Variants in ARHGAP23 observed in about 807,000 individuals in gnomAD.
ARHGAP23 encodes the protein Rho GTPase activating protein 23, also known as rho GTPase-activating protein 23.
Under a neutral mutation model 136.3 loss-of-function variants are expected in ARHGAP23, and 34 were observed. That is an observed-to-expected ratio of 0.25 (90% confidence interval 0.19 to 0.33). The LOEUF is 0.33. Among genes scored for constraint, ARHGAP23 ranks in the 10% least tolerant of loss-of-function variants. The pLI, the probability that ARHGAP23 is intolerant of heterozygous loss-of-function variation, is 1.00. For synonymous variants in ARHGAP23, 832 were observed against 920.5 expected (o/e 0.90, Z 1.74); for missense variants, 1,808 against 2,139.0 (o/e 0.85, Z 3.05).
At chr17:38,420,988 C>CA (rs1305336022) in intron 1 of ARHGAP23, among the ~76,000 whole-genome samples, 4 of 152,274 alleles carry the variant, frequency 2.6e-5, no homozygotes, top group Non-Finnish European at 4.4e-5. Context: ...ATCCTAAATG[C>CA]ATCTCACTGG....
chr17:38,494,090 T>G (rs1004145069), intron 20 of ARHGAP23, among the ~76,000 whole-genome samples: 1 of 152,198 alleles, frequency 6.6e-6, no homozygotes, highest in Non-Finnish European at 1.5e-5. Flanking sequence ...AATATCACTC[T>G]AGTTGTCACA....
chr17:38,429,044 A>C (rs1327421081), intron 1 of ARHGAP23, among the ~76,000 whole-genome samples: 4 of 151,872 alleles, frequency 2.6e-5, no homozygotes, highest in Non-Finnish European at 5.9e-5. Context: ...CCCGCGCCAC[A>C]CTCGCCCCCT....
Position 38,511,533 on chromosome 17 carries a change from G to C in ARHGAP23, c.*561G>C, listed in dbSNP as rs1332343699. ...ACTTCTGTCCCCCTATCCCCACCCT[G>C]GTCCCCACTTTGCGCCCCCGGGCTC... is the stretch of plus-strand genomic sequence containing the variant. On this transcript the variant is annotated 3_prime_UTR_variant, in exon 24 of 24. Transcript: ENST00000622683. 3 of 152,284 alleles carry C rather than the reference G, an allele frequency of 2.0e-5. No individual in the cohort carries two copies. The highest frequency in any genetic ancestry group is 4.4e-5 in the Non-Finnish European group (3 of 68,284). The allele number at this position is 152,284 out of a possible 1,614,324, so 9.4% of individuals were successfully genotyped here. A position where few individuals can be genotyped will look rare whatever the true frequency, so the allele number is the denominator to read the frequency against.
At chr17:38,488,028 A>G (rs1306405474) in intron 17 of ARHGAP23, among the ~76,000 whole-genome samples, 1 of 152,020 alleles carries the variant, frequency 6.6e-6, no homozygotes, top group Non-Finnish European at 1.5e-5. Flanking sequence ...CAGCCTCCTG[A>G]GTAGTTGGGA....
At chr17:38,432,024 T>C (rs1204439839) in intron 1 of ARHGAP23, among the ~76,000 whole-genome samples, 1 of 152,106 alleles carries the variant, frequency 6.6e-6, no homozygotes, top group Non-Finnish European at 1.5e-5. Flanking sequence ...CAGTTCTCCA[T>C]AAATGTTTGT....
intron 20 of ARHGAP23, among the ~76,000 whole-genome samples, chr17:38,494,391 C>T (rs1233149263): frequency 6.6e-6 from 1 of 152,176 alleles, no homozygotes; most frequent in African/African-American, 2.4e-5. Context: ...AGACAGATCC[C>T]CGTGCTGGGA....
intron 1 of ARHGAP23, among the ~76,000 whole-genome samples, chr17:38,430,859 A>G (rs1009339293): frequency 1 from 152,350 of 152,350 alleles, 76,175 homozygotes; most frequent in Non-Finnish European, 1. Context: ...TGTTTTTAAG[A>G]AAGGGGAGTT....
chr17:38,440,043 A>G (rs76854125), intron 1 of ARHGAP23, among the ~76,000 whole-genome samples: 1 of 142,878 alleles, frequency 7.0e-6, no homozygotes, highest in African/African-American at 2.6e-5. Context: ...TTTTTTTTTT[A>G]GACAGTCTTG....
At chr17:38,460,804 G>C (rs1283247447) in intron 2 of ARHGAP23, 101 bp from the exon 3 acceptor site, 23 of 1,534,760 alleles carry the variant, frequency 1.5e-5, no homozygotes, top group Non-Finnish European at 1.9e-5. Context: ...AGGAGATAAG[G>C]GGTGGCGGGA....
Position 38,507,014 on chromosome 17 carries a change from T to C in ARHGAP23, c.3448-2930T>C, listed in dbSNP as rs553550300. 1.9e-3 allele frequency among the ~76,000 whole-genome samples: 295 copies of C among 152,180 alleles called. 3 individuals are homozygous for C. The highest frequency in any genetic ancestry group is 3.4e-4 in the Non-Finnish European group (23 of 68,008). On this transcript the variant is annotated intron_variant, in intron 23 of 23. Coordinates refer to ENST00000622683, the MANE Select transcript of ARHGAP23 (RefSeq NM_001199417.2). ...CTGTGGGCGCAGTGGCTGATGCCTGTAATAATCCCAGCACTTTGGAAGGCC... is the reference window on the plus strand; with the variant it reads ...CTGTGGGCGCAGTGGCTGATGCCTGCAATAATCCCAGCACTTTGGAAGGCC...
At chr17:38,463,302 GC>G in intron 5 of ARHGAP23, 25 bp from the exon 6 acceptor site, 1 of 1,551,672 alleles carries the variant, frequency 6.4e-7, no homozygotes, top group South Asian at 1.2e-5. Context: ...CCTTGACCCA[GC>G]CTGACGTTCT....
At chr17:38,429,622 T>C (rs2144481605) in intron 1 of ARHGAP23, among the ~76,000 whole-genome samples, 1 of 152,276 alleles carries the variant, frequency 6.6e-6, no homozygotes, top group South Asian at 2.1e-4. Context: ...TGGATGTGTG[T>C]TCAGTTCTCC....
intron 1 of ARHGAP23, chr17:38,452,292 C>G (rs80192640): frequency 0.026 from 4,009 of 152,172 alleles, 62 homozygotes; most frequent in Middle Eastern, 0.15. Flanking sequence ...CCATCTCCCC[C>G]CCAACCCCCT....
chr17:38,510,547 A>G lies in ARHGAP23; in HGVS notation c.4051A>G (p.Ser1351Gly). The change falls in exon 24 of 24, where the codon AGC becomes GGC. Residue 1351 changes from serine to glycine, a missense_variant. Around this residue, in one of 7 missense-constraint regions of ARHGAP23, gnomAD observed 506 missense variants for 455.8 expected, o/e 1.11. Coordinates refer to ENST00000622683, the MANE Select transcript of ARHGAP23 (RefSeq NM_001199417.2). The surrounding 1 kb of genome is among the most constrained non-coding windows in gnomAD (Gnocchi z 4.6). ...PEPPGSASSS[S>G]QESLRPPAAA... ...GCCGCCCGGCTCGGCGTCGTCCAGCAGCCAGGAGTCGCTGCGGCCCCCGGC... is the reference window on the plus strand; with the variant it reads ...GCCGCCCGGCTCGGCGTCGTCCAGCGGCCAGGAGTCGCTGCGGCCCCCGGC... 1 of 1,204,296 alleles carries G rather than the reference A, an allele frequency of 8.3e-7. No homozygotes were observed. The highest frequency in any genetic ancestry group is 1.0e-6 in the Non-Finnish European group (1 of 971,830). The allele number at this position is 1,204,296 out of a possible 1,614,324, so 74.6% of individuals were successfully genotyped here.
upstream of ARHGAP23, among the ~76,000 whole-genome samples, chr17:38,427,056 A>G (rs1022937704): frequency 1.3e-5 from 2 of 152,238 alleles, no homozygotes; most frequent in Non-Finnish European, 2.9e-5. Flanking sequence ...GGAATATGGA[A>G]GCCCCTTAAA....
At chr17:38,455,031 C>T (rs550290758) in intron 1 of ARHGAP23, among the ~76,000 whole-genome samples, 2 of 152,334 alleles carry the variant, frequency 1.3e-5, no homozygotes, top group East Asian at 3.9e-4. Context: ...TGTCTCTGTG[C>T]CTAAGTCAGA....
upstream of ARHGAP23, among the ~76,000 whole-genome samples, chr17:38,426,663 G>T (rs995573572): frequency 5.9e-5 from 9 of 152,142 alleles, no homozygotes; most frequent in African/African-American, 2.2e-4. Context: ...TTGATAAAAA[G>T]GGATGAGGAA....
chr17:38,447,629 C>A (rs1312747311), intron 1 of ARHGAP23, among the ~76,000 whole-genome samples: 1 of 152,076 alleles, frequency 6.6e-6, no homozygotes, highest in Non-Finnish European at 1.5e-5. Flanking sequence ...CAGGCCATGC[C>A]TTTTGGGAGA....
chr17:38,488,806 C>T (rs975152799), intron 17 of ARHGAP23, among the ~76,000 whole-genome samples: 1 of 151,584 alleles, frequency 6.6e-6, no homozygotes, highest in Non-Finnish European at 1.5e-5. Flanking sequence ...TCCTTGGCCT[C>T]CCAAAGTGCT....
Sources: gnomAD v4.1 joint callset for allele counts (sites outside exome capture counted in the v4.1 genomes callset) on GRCh38, gnomAD v4.1.1 for gene constraint, gnomAD v4.1.1 regional missense constraint, Gnocchi (gnomAD v3.1) non-coding constraint, MANE v1.5 for transcripts, NCBI Gene and HGNC (gene_info 2026-07-23, HGNC 2026-07-21) for gene names.